Variants in SPTLC3 observed in about 807,000 individuals in gnomAD.
SPTLC3 encodes serine palmitoyltransferase 3.
Under a neutral mutation model 59.3 loss-of-function variants are expected in SPTLC3, and 36 were observed. The ratio of observed to expected loss-of-function variants is 0.61; its 90% confidence interval spans 0.47 to 0.80. SPTLC3 has a LOEUF of 0.80. SPTLC3 is among the 30% of genes least tolerant of loss of function. The probability of loss-of-function intolerance (pLI) is 0.00; values close to 1 mark genes in which losing one functional copy is unlikely to be tolerated. For synonymous variants in SPTLC3, 257 were observed against 240.8 expected (o/e 1.07, Z -0.62); for missense variants, 625 against 685.1 (o/e 0.91, Z 0.98).
At chr20:13,086,506 A>G (rs1019969513) in intron 4 of SPTLC3, among the ~76,000 whole-genome samples, 4 of 152,182 alleles carry the variant, frequency 2.6e-5, no homozygotes, top group Non-Finnish European at 4.4e-5. Context: ...AGCTATGAAC[A>G]CCAAACAGAG....
chr20:13,092,814 A>G (rs1989273207), intron 5 of SPTLC3, among the ~76,000 whole-genome samples: 1 of 152,136 alleles, frequency 6.6e-6, no homozygotes. Flanking sequence ...GTCCACCATA[A>G]TTTGCCTGCA....
chr20:13,061,044 T>C (rs1033586529), intron 2 of SPTLC3, among the ~76,000 whole-genome samples: 4 of 152,200 alleles, frequency 2.6e-5, no homozygotes, highest in Admixed American at 2.0e-4. Flanking sequence ...CTGTTTTCCA[T>C]AGAAGTTGTA....
At chr20:13,151,226 A>T (rs1423576160) in intron 9 of SPTLC3, among the ~76,000 whole-genome samples, 2 of 152,184 alleles carry the variant, frequency 1.3e-5, no homozygotes. Flanking sequence ...TCTTACTACC[A>T]ACTAAAGTTT....
chr20:13,105,076 A>G (rs2122671186), intron 6 of SPTLC3, among the ~76,000 whole-genome samples: 1 of 152,282 alleles, frequency 6.6e-6, no homozygotes, highest in East Asian at 1.9e-4. Flanking sequence ...AGGCCTACAG[A>G]ACATAAATCA....
chr20:13,043,914 C>T (rs900736960), intron 1 of SPTLC3, among the ~76,000 whole-genome samples: 1 of 152,066 alleles, frequency 6.6e-6, no homozygotes, highest in Non-Finnish European at 1.5e-5. Flanking sequence ...AGATTACTTA[C>T]TCAAGTTTTC....
intron 2 of SPTLC3, among the ~76,000 whole-genome samples, chr20:13,069,822 A>G (rs777341433): frequency 5.9e-5 from 9 of 152,136 alleles, no homozygotes; most frequent in Non-Finnish European, 1.2e-4. Flanking sequence ...TCCAAAACCA[A>G]CTGATACTTT....
chr20:13,094,084 G>A (rs1989326987), intron 6 of SPTLC3, among the ~76,000 whole-genome samples: 1 of 152,126 alleles, frequency 6.6e-6, no homozygotes. Context: ...GTGTGGCTGG[G>A]TGGTGAGGAG....
chr20:13,149,779 T>C (rs190276403), intron 9 of SPTLC3, among the ~76,000 whole-genome samples: 25 of 152,368 alleles, frequency 1.6e-4, no homozygotes, highest in African/African-American at 6.0e-4. Flanking sequence ...CATTAGCTGA[T>C]GATCCAGTTT....
At chr20:13,152,772 C>T (rs550641912) in intron 9 of SPTLC3, among the ~76,000 whole-genome samples, 4 of 152,280 alleles carry the variant, frequency 2.6e-5, no homozygotes, top group African/African-American at 9.6e-5. Context: ...CAGTATGGTT[C>T]TCTGGAGGAG....
intron 6 of SPTLC3, among the ~76,000 whole-genome samples, chr20:13,104,933 C>T (rs931810823): frequency 6.6e-6 from 1 of 152,006 alleles, no homozygotes; most frequent in Admixed American, 6.6e-5. Context: ...ACCTAACAGT[C>T]CTTCCCTACT....
intron 7 of SPTLC3, among the ~76,000 whole-genome samples, chr20:13,116,718 G>A (rs1310374171): frequency 3.9e-5 from 6 of 152,198 alleles, no homozygotes; most frequent in African/African-American, 1.4e-4. Context: ...TAAAACAAAA[G>A]AGTTCATCTA....
chr20:13,032,726 C>T (rs959269501), intron 1 of SPTLC3, among the ~76,000 whole-genome samples: 2 of 152,174 alleles, frequency 1.3e-5, no homozygotes, highest in Admixed American at 1.3e-4. Flanking sequence ...TGCAATCCTG[C>T]CTTTTGTGGG....
chr20:13,165,003 AGAC>A lies in SPTLC3; in HGVS notation c.*138_*140del. On this transcript the variant is annotated 3_prime_UTR_variant, in exon 12 of 12. Transcript: ENST00000399002. ...CAGACCAGCTTGATTGAACTGAGGG[AGAC>A]GTTGTTGTTTTTAATGTCTCCAGCT... 4.6e-6 allele frequency: 3 copies of A among 645,310 alleles called. No individual in the cohort carries two copies. Among genetic ancestry groups the A allele is most frequent in the Non-Finnish European group, 7.9e-6 (3 of 380,928 alleles). 40.0% of individuals were successfully genotyped at this position (645,310 alleles called of 1,614,324 possible).
chr20:13,046,133 T>G (rs183991094), intron 1 of SPTLC3, among the ~76,000 whole-genome samples: 43 of 152,196 alleles, frequency 2.8e-4, no homozygotes, highest in Non-Finnish European at 1.3e-4. Flanking sequence ...ACCCTTTTTC[T>G]TCTGTGGTAC....
intron 6 of SPTLC3, among the ~76,000 whole-genome samples, chr20:13,094,168 A>C (rs1402999004): frequency 6.6e-6 from 1 of 152,100 alleles, no homozygotes; most frequent in African/African-American, 2.4e-5. Flanking sequence ...ACTTTGAAGG[A>C]GGTGGATGGT....
At chr20:13,092,095 A>G (rs1214121179) in intron 5 of SPTLC3, among the ~76,000 whole-genome samples, 1 of 152,230 alleles carries the variant, frequency 6.6e-6, no homozygotes, top group Non-Finnish European at 1.5e-5. Flanking sequence ...AAAGTCTGCA[A>G]TGTCTGTGCA....
intron 10 of SPTLC3, 35 bp from the exon 11 acceptor site, chr20:13,159,968 C>T: frequency 6.7e-7 from 1 of 1,489,196 alleles, no homozygotes; most frequent in South Asian, 1.4e-5. Context: ...CCCAACTAAC[C>T]ACTTTTTTTT....
At chr20:13,091,528 G>A (rs189192352) in intron 5 of SPTLC3, among the ~76,000 whole-genome samples, 26 of 151,620 alleles carry the variant, frequency 1.7e-4, no homozygotes, top group Non-Finnish European at 3.1e-4. Flanking sequence ...AGCCGAGATC[G>A]GGCCACTGCA....
At chr20:13,122,927 T>A (rs951177961) in intron 8 of SPTLC3, among the ~76,000 whole-genome samples, 1 of 152,212 alleles carries the variant, frequency 6.6e-6, no homozygotes, top group African/African-American at 2.4e-5. Flanking sequence ...AATGTAACCC[T>A]GTGCAAAATG....
Sources: allele counts gnomAD v4.1 joint callset (sites outside exome capture counted in the v4.1 genomes callset), GRCh38; gene constraint gnomAD v4.1.1; transcripts MANE v1.5; gene names NCBI Gene and HGNC (gene_info 2026-07-23, HGNC 2026-07-21).